The following NF1 variants were observed in gnomAD, a reference collection of about 807,000 sequenced individuals.
The protein encoded by NF1 is neurofibromin 1, also known as neurofibromin.
NF1 carries 122 observed loss-of-function variants against 325.7 expected under a neutral mutation model. The ratio of observed to expected loss-of-function variants is 0.37; its 90% CI spans 0.32 to 0.44. The LOEUF (loss-of-function observed/expected upper bound fraction) is 0.44. Among genes scored for constraint, NF1 ranks in the 20% least tolerant of loss-of-function variants. NF1 has a pLI of 1.00. For missense variants in NF1, 2,140 were observed against 3,415.4 expected (o/e 0.63, Z 9.31); for synonymous variants, 1,091 against 1,186.0 (o/e 0.92, Z 1.65).
intron 29 of NF1, among the ~76,000 whole-genome samples, chr17:31,243,735 G>A (rs1306382158): frequency 6.6e-6 from 1 of 151,724 alleles, no homozygotes; most frequent in African/African-American, 2.4e-5. Context: ...ACCCAGGGCA[G>A]GTCCAGGAAA....
At position 31,295,079 on chromosome 17, in the gene NF1, A is replaced by G. The variant is rs200551528; in HGVS notation, c.4835+29740A>G. On this transcript the variant is annotated intron_variant, in intron 36 of 57. Coordinates refer to ENST00000358273, the MANE Select transcript of NF1 (RefSeq NM_001042492.3). ...AGCATTTACTTTCCAAGCATTTGCC[A>G]CAGAAGGTAATGGAGTCTTTACATT... is the stretch of plus-strand genomic sequence containing the variant. The G allele has an allele frequency of 4.3e-6, 7 of 1,614,078 alleles. No homozygotes were observed. In the South Asian group the frequency reaches 5.5e-5, roughly 13 times the overall value.
intron 15 of NF1, chr17:31,222,316 A>G: frequency 1.9e-6 from 2 of 1,043,134 alleles, no homozygotes; most frequent in Non-Finnish European, 2.3e-6. Flanking sequence ...TCTTTCATAA[A>G]CTTTCTGTAA....
At chr17:31,104,335 C>T (rs150911079) in intron 1 of NF1, among the ~76,000 whole-genome samples, 175 of 152,062 alleles carry the variant, frequency 1.2e-3, no homozygotes, top group Non-Finnish European at 2.1e-3. Context: ...CTTAGGTCTG[C>T]GTATATTTTG....
intron 31 of NF1, among the ~76,000 whole-genome samples, chr17:31,256,649 A>C (rs1486005441): frequency 6.6e-6 from 1 of 152,162 alleles, no homozygotes; most frequent in Admixed American, 6.5e-5. Context: ...ATTTTTTCTT[A>C]ATTTTACATC....
intron 13 of NF1, among the ~76,000 whole-genome samples, chr17:31,214,942 A>G (rs1409058463): frequency 2.0e-5 from 3 of 152,138 alleles, no homozygotes; most frequent in African/African-American, 2.4e-5. Flanking sequence ...CACAGTGTCT[A>G]CATCTATACT....
intron 39 of NF1, among the ~76,000 whole-genome samples, chr17:31,333,711 G>A (rs1247994890): frequency 6.6e-6 from 1 of 152,200 alleles, no homozygotes; most frequent in Non-Finnish European, 1.5e-5. Context: ...AAGATGAAAA[G>A]GTTCTAGAGA....
chr17:31,305,140 G>A lies in NF1; in HGVS notation c.4836-20680G>A, dbSNP rs542876558. The stretch of plus-strand genomic sequence containing the variant: ...ATTATGAACAGTTATTTGTTTTCTA[G>A]AAGGGATCTGGACAGATGATGATTG... On this transcript the variant is annotated intron_variant, in intron 36 of 57. Coordinates refer to ENST00000358273, the MANE Select transcript of NF1 (RefSeq NM_001042492.3). The A allele has an allele frequency of 3.1e-6, 5 of 1,614,170 alleles. No homozygotes were observed. The South Asian group carries it at 5.5e-5, about 18-fold the overall frequency.
At chr17:31,176,822 G>A (rs1182005817) in intron 5 of NF1, among the ~76,000 whole-genome samples, 1 of 152,110 alleles carries the variant, frequency 6.6e-6, no homozygotes, top group Non-Finnish European at 1.5e-5. Context: ...GGTTGTAGAT[G>A]TGTGGTGTTA....
chr17:31,235,704 G>T lies in NF1; in HGVS notation c.3802G>T (p.Ala1268Ser), dbSNP rs758051144. ...CATGTTTTCTAAAGAAGTAGAATTG[G>T]CAGACTCCATGCAGACTCTCTTCCG... ...WNMFSKEVELADSMQTLFRGN... is the reference protein window; with the variant it reads ...WNMFSKEVELSDSMQTLFRGN... Residue 1268 changes from alanine to serine, a missense_variant, in exon 28 of 58, where the codon GCA (alanine) becomes TCA (serine). Ala to Ser is a moderately conservative substitution (Grantham distance 99). Around this residue, in one of 10 missense-constraint regions of NF1, gnomAD observed 336 missense variants for 399.0 expected, o/e 0.84. Coordinates refer to ENST00000358273, the MANE Select transcript of NF1 (RefSeq NM_001042492.3). 1 of 1,614,040 alleles carries T rather than the reference G, an allele frequency of 6.2e-7. No individual in the cohort carries two copies. Among genetic ancestry groups the T allele is most frequent in the South Asian group, 1.1e-5 (1 of 91,080 alleles).
intron 1 of NF1, among the ~76,000 whole-genome samples, chr17:31,155,099 C>T (rs572992222): frequency 7.9e-5 from 12 of 152,226 alleles, no homozygotes; most frequent in Non-Finnish European, 1.6e-4. Context: ...GCATGCCCCT[C>T]GGTCTCTTTC....
At chr17:31,252,762 T>C in intron 30 of NF1, 176 bp from the exon 31 acceptor site, 1 of 610,790 alleles carries the variant, frequency 1.6e-6, no homozygotes, top group South Asian at 2.1e-5. Context: ...AAAAATGTAA[T>C]AAAAATTAAA....
At chr17:31,141,762 G>A (rs1158924698) in intron 1 of NF1, among the ~76,000 whole-genome samples, 1 of 152,086 alleles carries the variant, frequency 6.6e-6, no homozygotes, top group East Asian at 1.9e-4. Context: ...GTTGGCTGGG[G>A]CTATATCATC....
chr17:31,215,287 CA>C (rs996639413), intron 13 of NF1, among the ~76,000 whole-genome samples: 6 of 152,200 alleles, frequency 3.9e-5, no homozygotes, highest in African/African-American at 1.4e-4. Context: ...GGCTAGTAGT[CA>C]GTTATTGTCA....
intron 39 of NF1, 148 bp from the exon 40 acceptor site, chr17:31,334,690 A>G: frequency 3.0e-6 from 2 of 666,948 alleles, no homozygotes; most frequent in Non-Finnish European, 5.2e-6. Context: ...CCTCTACAAA[A>G]ATATATTTGC....
At chr17:31,363,221 T>C (rs1037290658) in intron 57 of NF1, among the ~76,000 whole-genome samples, 4 of 152,152 alleles carry the variant, frequency 2.6e-5, no homozygotes, top group Admixed American at 1.3e-4. Flanking sequence ...GTTTATCTTT[T>C]CAAAAGTAAC....
chr17:31,305,616 A>G, intron 36 of NF1: 1 of 1,608,374 alleles, frequency 6.2e-7, no homozygotes, highest in Non-Finnish European at 8.5e-7. Flanking sequence ...CCATTTCAGA[A>G]TATTTCCTCG....
intron 34 of NF1, among the ~76,000 whole-genome samples, chr17:31,261,126 C>T (rs1340095806): frequency 1.3e-5 from 2 of 151,782 alleles, no homozygotes; most frequent in African/African-American, 4.8e-5. Context: ...GCCTGTAATC[C>T]CAGCTACTCG....
At position 31,336,532 on chromosome 17, in the gene NF1, T is replaced by G; in HGVS notation, c.6147+59T>G. On this transcript the variant is annotated intron_variant, in intron 41 of 57. Coordinates refer to ENST00000358273, the MANE Select transcript of NF1 (RefSeq NM_001042492.3). The surrounding 1 kb of genome is among the most constrained non-coding windows in gnomAD (Gnocchi z 5.5). ...CATATCTGTTTTATCATCAGGAGGT[T>G]TTTTGTTTTGTAATTACTTTTAAAT... 1.9e-6 allele frequency: 3 copies of G among 1,610,528 alleles called. No individual in the cohort carries two copies. The highest frequency in any genetic ancestry group is 2.5e-6 in the Non-Finnish European group (3 of 1,177,890).
chr17:31,303,952 A>G (rs3087591), intron 36 of NF1: 52,415 of 182,240 alleles, frequency 0.29, 8,043 homozygotes, highest in East Asian at 0.44. Context: ...TTTTCAGGGG[A>G]AAAAAAACTG....
Sources: gnomAD v4.1 joint callset for allele counts (sites outside exome capture counted in the v4.1 genomes callset) on GRCh38, gnomAD v4.1.1 for gene constraint, gnomAD v4.1.1 regional missense constraint, Gnocchi (gnomAD v3.1) non-coding constraint, MANE v1.5 for transcripts, NCBI Gene and HGNC (gene_info 2026-07-23, HGNC 2026-07-21) for gene names.